The following SLC6A2 variants were observed in gnomAD, a reference collection of about 807,000 sequenced individuals.
SLC6A2 encodes solute carrier family 6 member 2.
SLC6A2 carries 26 observed loss-of-function variants against 71.7 expected under a neutral mutation model. That is an observed-to-expected ratio of 0.36 (90% confidence interval 0.27 to 0.50). The LOEUF is 0.50. Among genes scored for constraint, SLC6A2 ranks in the 20% least tolerant of loss-of-function variants. The pLI is 0.96. For missense variants in SLC6A2, 581 were observed against 803.9 expected (o/e 0.72, Z 3.35); for synonymous variants, 363 against 337.9 (o/e 1.07, Z -0.82).
intron 4 of SLC6A2, among the ~76,000 whole-genome samples, chr16:55,683,112 AG>A (rs1965330284): frequency 6.6e-6 from 1 of 152,330 alleles, no homozygotes; most frequent in South Asian, 2.1e-4. Context: ...CAGAGTGGTC[AG>A]GGGAACCCTT....
At chr16:55,684,482 A>G (rs542031256) in intron 4 of SLC6A2, among the ~76,000 whole-genome samples, 22 of 152,330 alleles carry the variant, frequency 1.4e-4, no homozygotes, top group Admixed American at 1.4e-3. Flanking sequence ...CTATTGAGTC[A>G]ATACCTAGGG....
Position 55,692,028 on chromosome 16 carries a change from C to T in SLC6A2, c.894C>T (p.Asp298=), listed in dbSNP as rs189770275. The part of the protein sequence containing the change: ...SNGINAYLHI[D]FYRLKEATVW... ...GCATCAATGCCTACCTGCACATCGA[C>T]TTCTACCGCTTGAAAGAGGCCACGG... Residue 298 remains aspartate, a synonymous_variant, in exon 6 of 15, where the codon GAC becomes GAT. Coordinates refer to ENST00000568943, the MANE Select transcript of SLC6A2 (RefSeq NM_001172501.3). 1.1e-5 allele frequency: 17 copies of T among 1,614,218 alleles called. No individual in the cohort carries two copies. The African/African-American group carries it at 2.3e-4, about 22-fold the overall frequency.
intron 11 of SLC6A2, among the ~76,000 whole-genome samples, chr16:55,699,073 A>G (rs1375161408): frequency 6.6e-6 from 1 of 152,168 alleles, no homozygotes; most frequent in Non-Finnish European, 1.5e-5. Context: ...TAAATGTGTT[A>G]ATTGTTTGTT....
chr16:55,697,571 T>C (rs1256016979), intron 9 of SLC6A2, among the ~76,000 whole-genome samples: 4 of 152,136 alleles, frequency 2.6e-5, no homozygotes, highest in African/African-American at 9.7e-5. Flanking sequence ...GGTTTTGGTG[T>C]TTTACTGCTT....
At chr16:55,658,801 T>C (rs571285379) in intron 2 of SLC6A2, among the ~76,000 whole-genome samples, 100 of 152,152 alleles carry the variant, frequency 6.6e-4, no homozygotes, top group Middle Eastern at 6.8e-3. Context: ...GGGCTCAATG[T>C]TTGTGTCTGG....
At chr16:55,671,782 C>T (rs956080193) in intron 3 of SLC6A2, 156 bp from the exon 4 acceptor site, 7 of 1,442,536 alleles carry the variant, frequency 4.9e-6, no homozygotes, top group African/African-American at 2.8e-5. Context: ...GTCTTCCATG[C>T]GACAGGTCAC....
intron 4 of SLC6A2, among the ~76,000 whole-genome samples, chr16:55,675,350 C>A (rs368006264): frequency 6.6e-6 from 1 of 152,230 alleles, no homozygotes; most frequent in African/African-American, 2.4e-5. Flanking sequence ...ACCCTCAGGG[C>A]ATTCATGGTC....
At chr16:55,695,217 C>T in intron 7 of SLC6A2, 61 bp from the exon 8 acceptor site, 1 of 1,606,484 alleles carries the variant, frequency 6.2e-7, no homozygotes, top group Non-Finnish European at 8.5e-7. Flanking sequence ...GCCAGTCCAG[C>T]AGTCAAAACA....
At position 55,656,568 on chromosome 16, in the gene SLC6A2, G is replaced by C; in HGVS notation, c.-51-76G>C. ...GCGCGCTCATCCCAGTGTCTAAGGC[G>C]CTCCCGGGTGGTCTTGGGAGTTGCA... On this transcript the variant is annotated intron_variant, in intron 1 of 14. Transcript: ENST00000568943. This position sits in a 1 kb window ranked among gnomAD's most constrained non-coding sequence, Gnocchi z 4.5. 8.3e-7 allele frequency: 1 copy of C among 1,197,906 alleles called. No homozygotes were observed. The highest frequency in any genetic ancestry group is 1.2e-5 in the South Asian group (1 of 81,872). The allele number at this position is 1,197,906 out of a possible 1,614,324, so 74.2% of individuals were successfully genotyped here. A position where few individuals can be genotyped will look rare whatever the true frequency, so the allele number is the denominator to read the frequency against.
intron 2 of SLC6A2, among the ~76,000 whole-genome samples, chr16:55,665,407 A>C (rs142349153): frequency 1.3e-5 from 2 of 152,034 alleles, no homozygotes; most frequent in Non-Finnish European, 2.9e-5. Flanking sequence ...CTAAGTGTGG[A>C]CCAAGGTTTT....
chr16:55,695,172 G>C, intron 7 of SLC6A2, 106 bp from the exon 8 acceptor site: 1 of 1,341,544 alleles, frequency 7.5e-7, no homozygotes, highest in Non-Finnish European at 1.1e-6. Flanking sequence ...AGGGGGGATG[G>C]CCTTTGAGGC....
chr16:55,659,118 C>T (rs1442119804), intron 2 of SLC6A2, among the ~76,000 whole-genome samples: 6 of 152,238 alleles, frequency 3.9e-5, no homozygotes, highest in East Asian at 1.9e-4. Flanking sequence ...TTCCTCTTGG[C>T]GTGAGGCACA....
chr16:55,656,472 G>T lies in SLC6A2; in HGVS notation c.-51-172G>T, dbSNP rs2142472140. 9.9e-6 allele frequency: 6 copies of T among 608,886 alleles called. No homozygotes were observed. Among genetic ancestry groups the T allele is most frequent in the South Asian group, 9.7e-5 (5 of 51,562 alleles). 37.7% of individuals were successfully genotyped at this position (608,886 alleles called of 1,614,324 possible). The stretch of plus-strand genomic sequence containing the variant: ...GTCTCCAACTCTTGAGTTCCGGCGT[G>T]CCCCAACCTCTGTTTCCAAATTTTT... On this transcript the variant is annotated intron_variant, in intron 1 of 14. Coordinates refer to ENST00000568943, the MANE Select transcript of SLC6A2 (RefSeq NM_001172501.3). The surrounding 1 kb of genome is among the most constrained non-coding windows in gnomAD (Gnocchi z 4.5).
intron 4 of SLC6A2, among the ~76,000 whole-genome samples, chr16:55,674,485 T>C (rs1435563893): frequency 1.3e-5 from 2 of 151,906 alleles, no homozygotes; most frequent in African/African-American, 4.8e-5. Context: ...AGTGCAGTGG[T>C]GTGATCTCGG....
chr16:55,660,417 C>G (rs1434295551), intron 2 of SLC6A2, among the ~76,000 whole-genome samples: 2 of 152,216 alleles, frequency 1.3e-5, no homozygotes, highest in Non-Finnish European at 1.5e-5. Context: ...GTAACTCCTT[C>G]TCTCACTTAC....
chr16:55,691,230 GGAGAGAGAGAGAGAGAGAGAGA>G (rs56308124), intron 5 of SLC6A2, among the ~76,000 whole-genome samples: 47 of 46,464 alleles, frequency 1.0e-3, no homozygotes, highest in South Asian at 2.1e-3. Context: ...GGGGAGAGGG[GGAGAGAGAGAGAGAGAGAGAGA>G]GAGAGAGAGA....
Position 55,672,095 on chromosome 16 carries a change from C to G in SLC6A2, c.564C>G (p.Pro188=). The G allele has an allele frequency of 6.2e-7, 1 of 1,614,226 alleles. No homozygotes were observed. Among genetic ancestry groups the G allele is most frequent in the Non-Finnish European group, 8.5e-7 (1 of 1,180,052 alleles). ...HTWNSPNCTD[P]KLLNGSVLGN... The stretch of plus-strand genomic sequence containing the variant: ...GGAACAGCCCCAACTGTACCGACCC[C>G]AAGCTCCTCAATGGCTCCGTGCTTG... Residue 188 remains proline (P), a synonymous_variant, in exon 4 of 15, where the codon CCC becomes CCG. Transcript: ENST00000568943.
Position 55,702,620 on chromosome 16 carries a change from T to G in SLC6A2, c.*274T>G. The G allele has an allele frequency of 7.2e-7, 1 of 1,383,578 alleles. No individual in the cohort carries two copies. Among genetic ancestry groups the G allele is most frequent in the Non-Finnish European group, 9.4e-7 (1 of 1,067,420 alleles). 85.7% of individuals were successfully genotyped at this position (1,383,578 alleles called of 1,614,324 possible). On this transcript the variant is annotated 3_prime_UTR_variant, in exon 15 of 15. Transcript: ENST00000568943. ...TGTTTTGGGGGAAGTCTCTCCCACT[T>G]TGGGATCCTGCTGAAGCTAGGTTCA...
chr16:55,676,110 T>A (rs747995778), intron 4 of SLC6A2, among the ~76,000 whole-genome samples: 5 of 152,220 alleles, frequency 3.3e-5, no homozygotes, highest in African/African-American at 4.8e-5. Flanking sequence ...TCCCATGGAC[T>A]TCTAACAGGC....
Sources: gnomAD v4.1 joint callset for allele counts (sites outside exome capture counted in the v4.1 genomes callset) on GRCh38, gnomAD v4.1.1 for gene constraint, Gnocchi (gnomAD v3.1) non-coding constraint, MANE v1.5 for transcripts, NCBI Gene and HGNC (gene_info 2026-07-23, HGNC 2026-07-21) for gene names.